ZNF804B: variants seen among roughly 807,000 people sequenced by gnomAD.
ZNF804B encodes the protein zinc finger 804B.
In ZNF804B, 80 loss-of-function variants were observed where a neutral mutation model predicts 101.4. The ratio of observed to expected loss-of-function variants is 0.79; its 90% CI spans 0.66 to 0.95. The LOEUF (loss-of-function observed/expected upper bound fraction) is 0.95, where lower values mean the gene tolerates loss of function less well. Ranked by LOEUF, ZNF804B falls within the 40% of genes least tolerant of loss-of-function variation. The probability of loss-of-function intolerance (pLI) is 0.00; values close to 1 mark genes in which losing one functional copy is unlikely to be tolerated. For missense variants in ZNF804B, 1,673 were observed against 1,561.9 expected (o/e 1.07, Z -1.20); for synonymous variants, 622 against 558.8 (o/e 1.11, Z -1.59).
At chr7:88,928,375 C>A (rs1339028728) in intron 1 of ZNF804B, among the ~76,000 whole-genome samples, 1 of 152,070 alleles carries the variant, frequency 6.6e-6, no homozygotes, top group Non-Finnish European at 1.5e-5. Context: ...CTCTGACTTA[C>A]AAAGTAGCAT....
chr7:89,325,469 T>A (rs187346208), intron 2 of ZNF804B, among the ~76,000 whole-genome samples: 37 of 152,168 alleles, frequency 2.4e-4, no homozygotes, highest in African/African-American at 8.7e-4. Flanking sequence ...TGTTGATTTG[T>A]ACATTTTTAC....
At chr7:89,200,353 T>C (rs558900615) in intron 1 of ZNF804B, among the ~76,000 whole-genome samples, 51 of 152,128 alleles carry the variant, frequency 3.4e-4, no homozygotes, top group Admixed American at 2.6e-3. Flanking sequence ...AAGAGTTTAA[T>C]ACATAGTTGG....
intron 1 of ZNF804B, among the ~76,000 whole-genome samples, chr7:88,924,363 T>C (rs997979751): frequency 6.6e-6 from 1 of 152,174 alleles, no homozygotes; most frequent in African/African-American, 2.4e-5. Context: ...TTTGACATAT[T>C]AGGTTTCCCT....
intron 1 of ZNF804B, among the ~76,000 whole-genome samples, chr7:88,818,204 A>G (rs1790915827): frequency 6.6e-6 from 1 of 152,228 alleles, no homozygotes. Flanking sequence ...GCATAACATT[A>G]TATCAACTTC....
At chr7:88,848,211 A>G (rs1791402985) in intron 1 of ZNF804B, among the ~76,000 whole-genome samples, 1 of 152,176 alleles carries the variant, frequency 6.6e-6, no homozygotes, top group South Asian at 2.1e-4. Flanking sequence ...AATGTCAATA[A>G]CATCAAGGTT....
chr7:88,760,228 C>T (rs909375037), intron 1 of ZNF804B, 144 bp downstream of exon 1: 4 of 650,760 alleles, frequency 6.1e-6, no homozygotes, highest in African/African-American at 3.6e-5. Flanking sequence ...GGAGATACAT[C>T]GTGTCCGTTT....
chr7:88,961,962 AT>A (rs1013032211), intron 1 of ZNF804B, among the ~76,000 whole-genome samples: 10 of 151,294 alleles, frequency 6.6e-5, no homozygotes, highest in Non-Finnish European at 1.2e-4. Context: ...CTCCTTTTAC[AT>A]TTTACATTAG....
chr7:88,987,052 T>G (rs1437960597), intron 1 of ZNF804B, among the ~76,000 whole-genome samples: 2 of 152,102 alleles, frequency 1.3e-5, no homozygotes, highest in African/African-American at 4.8e-5. Context: ...ATAGTCTGAT[T>G]TTGTTCTGCC....
In ZNF804B at chr7:89,285,078, G is replaced by T. The variant is rs1271759113; in HGVS notation, c.250-42266G>T. 2.0e-5 allele frequency among the ~76,000 whole-genome samples: 3 copies of T among 151,930 alleles called. No homozygotes were observed. The South Asian group carries it at 6.3e-4, about 32-fold the overall frequency. The stretch of plus-strand genomic sequence containing the variant: ...ATTTAAATTTAAAAAAAATAGCCAG[G>T]CATGGTGGTGCACTCCTATAGTCCC... On this transcript the variant is annotated intron_variant, in intron 2 of 3. Transcript: ENST00000333190.
At chr7:88,954,470 T>C (rs1445080684) in intron 1 of ZNF804B, among the ~76,000 whole-genome samples, 1 of 151,648 alleles carries the variant, frequency 6.6e-6, no homozygotes, top group African/African-American at 2.4e-5. Context: ...GGGATGTGTA[T>C]CTCTTTTCTT....
At chr7:88,803,552 A>C (rs1004998719) in intron 1 of ZNF804B, among the ~76,000 whole-genome samples, 14 of 152,160 alleles carry the variant, frequency 9.2e-5, no homozygotes, top group African/African-American at 2.7e-4. Flanking sequence ...GACCTGATTC[A>C]CTGGATATGG....
chr7:89,037,064 G>A lies in ZNF804B; in HGVS notation c.109-181091G>A, dbSNP rs191498693. Among the ~76,000 whole-genome samples, 390 of 152,058 alleles carry A rather than the reference G, an allele frequency of 2.6e-3. 1 individual carries two copies. The highest frequency in any genetic ancestry group is 3.9e-3 in the Non-Finnish European group (267 of 67,966). ...TTTTTAATTACTTGCCACATTACAC[G>A]AATGAGACAATTTTAACCTAAAGAA... On this transcript the variant is annotated intron_variant, in intron 1 of 3. Transcript: ENST00000333190.
chr7:89,144,409 T>C (rs1584013065), intron 1 of ZNF804B, among the ~76,000 whole-genome samples: 1 of 151,998 alleles, frequency 6.6e-6, no homozygotes, highest in African/African-American at 2.4e-5. Flanking sequence ...AAATTACAAC[T>C]GTAAGTAACA....
intron 1 of ZNF804B, among the ~76,000 whole-genome samples, chr7:89,075,537 T>G (rs1458506003): frequency 6.6e-6 from 1 of 152,152 alleles, no homozygotes; most frequent in Non-Finnish European, 1.5e-5. Flanking sequence ...TCAGAGGATG[T>G]GTGGAAATGC....
intron 1 of ZNF804B, among the ~76,000 whole-genome samples, chr7:88,790,708 G>C (rs2115681953): frequency 6.6e-6 from 1 of 152,102 alleles, no homozygotes; most frequent in Middle Eastern, 3.4e-3. Context: ...GGGCATTTGA[G>C]TTGATTCCAT....
At chr7:89,217,786 G>A (rs764031273) in intron 1 of ZNF804B, among the ~76,000 whole-genome samples, 1 of 152,214 alleles carries the variant, frequency 6.6e-6, no homozygotes, top group Non-Finnish European at 1.5e-5. Context: ...TTTGGCTGAA[G>A]ATAGAATTGC....
At chr7:88,821,642 C>T (rs1790983203) in intron 1 of ZNF804B, among the ~76,000 whole-genome samples, 1 of 152,012 alleles carries the variant, frequency 6.6e-6, no homozygotes, top group Non-Finnish European at 1.5e-5. Context: ...AGGAGAAATA[C>T]CAAAGTCAAA....
At chr7:88,855,779 G>T (rs184977460) in intron 1 of ZNF804B, among the ~76,000 whole-genome samples, 28,302 of 152,028 alleles carry the variant, frequency 0.19, 2,823 homozygotes, top group African/African-American at 0.28. Flanking sequence ...ATTAATTTTT[G>T]TATAAGGTGC....
chr7:89,052,393 G>T (rs1401707700), intron 1 of ZNF804B, among the ~76,000 whole-genome samples: 1 of 152,090 alleles, frequency 6.6e-6, no homozygotes, highest in Non-Finnish European at 1.5e-5. Flanking sequence ...GATAACCAAA[G>T]CTATGCTCAG....
Sources: gnomAD v4.1 joint callset for allele counts (sites outside exome capture counted in the v4.1 genomes callset) on GRCh38, gnomAD v4.1.1 for gene constraint, MANE v1.5 for transcripts, NCBI Gene and HGNC (gene_info 2026-07-23, HGNC 2026-07-21) for gene names.